Variants in ADGRV1 observed in about 807,000 individuals in gnomAD.
The protein encoded by ADGRV1 is G-protein coupled receptor 98.
Under a neutral mutation model 596.2 loss-of-function variants are expected in ADGRV1, and 359 were observed. The ratio of observed to expected loss-of-function variants is 0.60; its 90% CI spans 0.55 to 0.66. The LOEUF (loss-of-function observed/expected upper bound fraction) is 0.66. Among genes scored for constraint, ADGRV1 ranks in the 30% least tolerant of loss-of-function variants. The pLI, the probability that ADGRV1 is intolerant of heterozygous loss-of-function variation, is 0.00. For missense variants in ADGRV1, 7,274 were observed against 7,575.6 expected (o/e 0.96, Z 1.48); for synonymous variants, 2,681 against 2,679.2 (o/e 1.00, Z -0.02).
At chr5:91,011,524 T>G (rs1397255463) in intron 85 of ADGRV1, among the ~76,000 whole-genome samples, 1 of 151,974 alleles carries the variant, frequency 6.6e-6, no homozygotes, top group Non-Finnish European at 1.5e-5. Flanking sequence ...CTCATCTATT[T>G]AGAACATTAT....
At position 90,784,074 on chromosome 5, in the gene ADGRV1, C is replaced by T; in HGVS notation, c.13653+17C>T. 1.3e-6 allele frequency: 2 copies of T among 1,531,884 alleles called. No individual in the cohort carries two copies. Among genetic ancestry groups the T allele is most frequent in the East Asian group, 4.5e-5 (2 of 44,218 alleles). 94.9% of individuals were successfully genotyped at this position (1,531,884 alleles called of 1,614,324 possible). ...GAGATTCAGGTAGATTTATGTTCCC[C>T]ATGACTTTAAATATAATTTTTGATA... On this transcript the variant is annotated intron_variant, in intron 67 of 89. Coordinates refer to ENST00000405460, the MANE Select transcript of ADGRV1 (RefSeq NM_032119.4).
chr5:90,882,168 T>A (rs1055902470), intron 83 of ADGRV1, among the ~76,000 whole-genome samples: 2 of 152,244 alleles, frequency 1.3e-5, no homozygotes, highest in Non-Finnish European at 2.9e-5. Flanking sequence ...CAGAAAGTTA[T>A]CTATAGATTT....
intron 37 of ADGRV1, 129 bp from the exon 38 acceptor site, chr5:90,706,102 G>T: frequency 1.5e-6 from 1 of 665,892 alleles, no homozygotes; most frequent in Non-Finnish European, 2.5e-6. Flanking sequence ...GATATAGGAA[G>T]GGGTGAGGAA....
At chr5:90,878,405 C>G (rs1309430233) in intron 83 of ADGRV1, among the ~76,000 whole-genome samples, 1 of 152,154 alleles carries the variant, frequency 6.6e-6, no homozygotes, top group Non-Finnish European at 1.5e-5. Context: ...GAGGAAGCAA[C>G]TTGAAGAAAA....
In ADGRV1 at chr5:90,791,045, G is replaced by A. The variant is rs1760014550; in HGVS notation, c.14216G>A (p.Gly4739Glu). 1 of 1,613,808 alleles carries A rather than the reference G, an allele frequency of 6.2e-7. No individual in the cohort carries two copies. Among genetic ancestry groups the A allele is most frequent in the African/African-American group, 1.3e-5 (1 of 74,904 alleles). The change falls in exon 70 of 90, where the codon GGA (glycine) becomes GAA (glutamate). Residue 4739 changes from glycine to glutamate, a missense_variant. Physicochemically the swap from Gly to Glu is moderately conservative, Grantham distance 98. This residue lies in a region of ADGRV1 where 1,874 missense variants were observed against 1,970.2 expected (regional missense o/e 0.95). Transcript: ENST00000405460. ...DYVIQLVSVE[G>E]GAELDLEKSI... ...GTGATCCAGCTTGTTTCTGTAGAGGGAGGAGCCGAACTGGATCTGGAGAAG... is the reference window on the plus strand; with the variant it reads ...GTGATCCAGCTTGTTTCTGTAGAGGAAGGAGCCGAACTGGATCTGGAGAAG...
chr5:90,848,524 C>T (rs1218220926), intron 78 of ADGRV1, 113 bp from the exon 79 acceptor site: 1 of 456,796 alleles, frequency 2.2e-6, no homozygotes, highest in African/African-American at 2.0e-5. Flanking sequence ...ATAGGTTTAT[C>T]CTTACTAATG....
intron 85 of ADGRV1, among the ~76,000 whole-genome samples, chr5:91,060,462 T>G (rs1480491747): frequency 6.6e-6 from 1 of 151,520 alleles, no homozygotes; most frequent in African/African-American, 2.4e-5. Flanking sequence ...ACTCCTAGCC[T>G]CAAGAAATCC....
chr5:91,150,000 T>A, intron 87 of ADGRV1, 30 bp from the exon 88 acceptor site: 1 of 1,401,378 alleles, frequency 7.1e-7, no homozygotes, highest in East Asian at 2.7e-5. Context: ...TTTCTTTTTC[T>A]TTTCTTTTCT....
At chr5:90,953,538 C>T (rs547903082) in intron 83 of ADGRV1, among the ~76,000 whole-genome samples, 22 of 152,006 alleles carry the variant, frequency 1.4e-4, no homozygotes, top group Admixed American at 3.9e-4. Flanking sequence ...TATCAGTTTG[C>T]GAGTTTTTTG....
At chr5:90,676,252 C>T in intron 25 of ADGRV1, 43 bp downstream of exon 25, 1 of 1,573,766 alleles carries the variant, frequency 6.4e-7, no homozygotes, top group Non-Finnish European at 8.6e-7. Context: ...TGCTTGTCTA[C>T]CCATGCTGAT....
At chr5:90,907,682 CT>C (rs999047951) in intron 83 of ADGRV1, among the ~76,000 whole-genome samples, 15 of 152,124 alleles carry the variant, frequency 9.9e-5, no homozygotes, top group African/African-American at 3.6e-4. Context: ...CATTTGAAGA[CT>C]TTCTGGACTT....
At chr5:90,698,553 T>A (rs2069566393) in intron 34 of ADGRV1, among the ~76,000 whole-genome samples, 1 of 152,094 alleles carries the variant, frequency 6.6e-6, no homozygotes, top group African/African-American at 2.4e-5. Context: ...TGGTAAATAT[T>A]TGAAGTTATT....
chr5:90,564,235 G>A (rs1392296429), intron 1 of ADGRV1, among the ~76,000 whole-genome samples: 3 of 152,192 alleles, frequency 2.0e-5, no homozygotes, highest in Non-Finnish European at 4.4e-5. Flanking sequence ...AGAATCATTA[G>A]TTTTATTTAA....
intron 21 of ADGRV1, among the ~76,000 whole-genome samples, chr5:90,665,726 T>G (rs1250760752): frequency 6.7e-6 from 1 of 149,684 alleles, no homozygotes; most frequent in Non-Finnish European, 1.5e-5. Context: ...TTTTGGATCT[T>G]TCCTGCTTTC....
intron 83 of ADGRV1, among the ~76,000 whole-genome samples, chr5:90,873,300 G>A (rs868576896): frequency 1.5e-4 from 23 of 152,166 alleles, no homozygotes; most frequent in Admixed American, 1.4e-3. Context: ...CTGCCAGGAT[G>A]GGGGAGGAGC....
At chr5:91,107,387 G>T (rs202128505) in intron 87 of ADGRV1, among the ~76,000 whole-genome samples, 2 of 152,050 alleles carry the variant, frequency 1.3e-5, no homozygotes, top group East Asian at 3.9e-4. Flanking sequence ...GAGATAGAGG[G>T]CTTCTCTGAG....
intron 85 of ADGRV1, among the ~76,000 whole-genome samples, chr5:91,053,705 C>G (rs1786555087): frequency 6.6e-6 from 1 of 152,158 alleles, no homozygotes; most frequent in Non-Finnish European, 1.5e-5. Flanking sequence ...CTTAACTTCC[C>G]TGCACATAAT....
At chr5:91,086,603 C>A (rs1351071570) in intron 86 of ADGRV1, among the ~76,000 whole-genome samples, 1 of 152,118 alleles carries the variant, frequency 6.6e-6, no homozygotes, top group East Asian at 1.9e-4. Flanking sequence ...GTGATGAAGT[C>A]CCACAATCTG....
chr5:90,627,700 A>G lies in ADGRV1; in HGVS notation c.1162A>G (p.Lys388Glu). 2 of 1,612,812 alleles carry G rather than the reference A, an allele frequency of 1.2e-6. No individual in the cohort carries two copies. The highest frequency in any genetic ancestry group is 2.2e-5 in the South Asian group (2 of 90,786). The change falls in exon 7 of 90, where the codon AAA becomes GAA. Residue 388 changes from lysine (K) to glutamate (E), a missense_variant. Coordinates refer to ENST00000405460, the MANE Select transcript of ADGRV1 (RefSeq NM_032119.4). ...ACAAGTCACCATTAAGCCAAATGAT[A>G]AACCTTATGGAGTCCTTTCATTCAA... ...VVQVTIKPND[K>E]PYGVLSFNSV...
Sources: gnomAD v4.1 joint callset for allele counts (sites outside exome capture counted in the v4.1 genomes callset) on GRCh38, gnomAD v4.1.1 for gene constraint, gnomAD v4.1.1 regional missense constraint, MANE v1.5 for transcripts, NCBI Gene and HGNC (gene_info 2026-07-23, HGNC 2026-07-21) for gene names.